Variants in BTBD8 observed in about 807,000 individuals in gnomAD.
The protein encoded by BTBD8 is BTB domain containing 8.
BTBD8 carries 110 observed loss-of-function variants against 162.9 expected under a neutral mutation model. That is an observed-to-expected ratio of 0.68 (90% CI 0.58 to 0.79). The LOEUF is 0.79. BTBD8 is among the 30% of genes least tolerant of loss of function. The pLI is 0.00. For synonymous variants in BTBD8, 667 were observed against 716.1 expected, an observed-to-expected ratio of 0.93 and a Z score of 1.10; for missense variants, 1,905 against 2,085.4, an observed-to-expected ratio of 0.91 and a Z score of 1.68.
chr1:92,102,944 T>G (rs1648629657), intron 3 of BTBD8, among the ~76,000 whole-genome samples: 1 of 152,216 alleles, frequency 6.6e-6, no homozygotes. Flanking sequence ...ATAAAGAAGC[T>G]TTGGCAGAGT....
At chr1:92,149,286 A>G (rs936114933) in intron 9 of BTBD8, among the ~76,000 whole-genome samples, 2 of 152,204 alleles carry the variant, frequency 1.3e-5, no homozygotes. Flanking sequence ...GTATCTACGT[A>G]TTTAAGGTAC....
At chr1:92,141,646 A>G (rs1310879869) in intron 7 of BTBD8, among the ~76,000 whole-genome samples, 1 of 152,188 alleles carries the variant, frequency 6.6e-6, no homozygotes, top group Non-Finnish European at 1.5e-5. Flanking sequence ...CAGTCTCTTC[A>G]GGTGACCTAT....
rs1457496247 is a variant in BTBD8 at position 92,180,821 on chromosome 1, G to A, written c.3138G>A (p.Gln1046=). ...TAAAACACGAACTGGAATCAAAACA[G>A]ATTTGTTTAGATAAAAGTGAAACAA... The part of the protein sequence containing the change: ...KSLKHELESK[Q]ICLDKSETKF... Residue 1046 remains glutamine, a synonymous_variant, in exon 17 of 18, where the codon CAG becomes CAA. Coordinates refer to ENST00000636805, the MANE Select transcript of BTBD8 (RefSeq NM_001376131.1). 6 of 1,551,292 alleles carry A rather than the reference G, an allele frequency of 3.9e-6. No individual in the cohort carries two copies.
intron 5 of BTBD8, among the ~76,000 whole-genome samples, chr1:92,136,449 A>C (rs911375179): frequency 1.3e-5 from 2 of 151,680 alleles, no homozygotes; most frequent in African/African-American, 4.8e-5. Flanking sequence ...TACTATGCTT[A>C]ACAAACTGTA....
intron 2 of BTBD8, among the ~76,000 whole-genome samples, chr1:92,091,400 C>T (rs569643091): frequency 3.9e-5 from 6 of 152,240 alleles, no homozygotes; most frequent in Admixed American, 2.0e-4. Context: ...TTATAAATTA[C>T]GCTGTCTCAG....
intron 9 of BTBD8, among the ~76,000 whole-genome samples, chr1:92,162,005 T>C (rs947685394): frequency 6.6e-6 from 1 of 151,974 alleles, no homozygotes; most frequent in African/African-American, 2.4e-5. Flanking sequence ...TTCTTTCTTT[T>C]GTTTTCTAGT....
In BTBD8 at chr1:92,139,415, A is replaced by G. The variant is rs1300829179; in HGVS notation, c.818A>G (p.Asp273Gly). The G allele has an allele frequency of 6.2e-7, 1 of 1,603,742 alleles. No homozygotes were observed. Among genetic ancestry groups the G allele is most frequent in the African/African-American group, 1.3e-5 (1 of 74,310 alleles). The change falls in exon 6 of 18, where the codon GAC becomes GGC. Residue 273 changes from aspartate (D) to glycine (G), a missense_variant. By Grantham distance (94) the Asp-to-Gly change is moderately conservative. This residue lies in a region of BTBD8 where 1,374 missense variants were observed against 1,442.7 expected (regional missense o/e 0.95). Transcript: ENST00000636805. The stretch of plus-strand genomic sequence containing the variant: ...TATGGAGGAACTCTGGACATTCCAG[A>G]CAAAACTAATGTTGGGTATGTATTC... ...FIYGGTLDIP[D>G]KTNVGQILNM...
At chr1:92,147,950 A>G (rs1035696635) in intron 9 of BTBD8, 164 bp downstream of exon 9, 12 of 603,852 alleles carry the variant, frequency 2.0e-5, no homozygotes, top group Admixed American at 3.3e-5. Flanking sequence ...CTTTGAAACC[A>G]CTCTGCATAC....
chr1:92,143,735 C>T (rs1431725923), intron 7 of BTBD8, among the ~76,000 whole-genome samples: 2 of 151,654 alleles, frequency 1.3e-5, no homozygotes, highest in Non-Finnish European at 2.9e-5. Flanking sequence ...TGGTCTTGAA[C>T]TCCTGACCTC....
rs1486525253 is a variant in BTBD8, at chr1:92,103,532, C to T, written c.544+863C>T. Among the ~76,000 whole-genome samples, 4 of 152,136 alleles carry T rather than the reference C, an allele frequency of 2.6e-5. 1 individual carries two copies. In the South Asian group the frequency reaches 8.3e-4, roughly 32 times the overall value. On this transcript the variant is annotated intron_variant, in intron 3 of 17. Coordinates refer to ENST00000636805, the MANE Select transcript of BTBD8 (RefSeq NM_001376131.1). ...GTGCCAGTTCTCAGCTCCTAAACTC[C>T]GTGAGGCACTGCAGTGAGGGCCTGA...
chr1:92,169,110 T>A, intron 12 of BTBD8, 115 bp downstream of exon 12: 1 of 1,000,074 alleles, frequency 1.0e-6, no homozygotes, highest in Non-Finnish European at 1.4e-6. Context: ...TGTTGGATAA[T>A]AGGATAACTG....
At chr1:92,166,021 C>G (rs1318912301) in intron 9 of BTBD8, among the ~76,000 whole-genome samples, 1 of 152,144 alleles carries the variant, frequency 6.6e-6, no homozygotes, top group African/African-American at 2.4e-5. Context: ...GAATAAGAGA[C>G]AGTAATATAT....
At chr1:92,141,846 A>G (rs943746169) in intron 7 of BTBD8, among the ~76,000 whole-genome samples, 8 of 152,244 alleles carry the variant, frequency 5.3e-5, no homozygotes, top group African/African-American at 1.9e-4. Flanking sequence ...AATTTTCTAC[A>G]AAGAATGTGT....
In BTBD8 at chr1:92,180,658, T is replaced by C. The variant is rs1457001148; in HGVS notation, c.2975T>C (p.Ile992Thr). The change falls in exon 17 of 18, where the codon ATT (isoleucine) becomes ACT (threonine). Residue 992 changes from isoleucine (I) to threonine (T), a missense_variant. Coordinates refer to ENST00000636805, the MANE Select transcript of BTBD8 (RefSeq NM_001376131.1). ...GAACAGAAGCCTCACAAACCTCTCA[T>C]TAATCTTGCATCTGAAATAAGTGAT... ...VSEQKPHKPLINLASEISDAE... is the reference protein window; with the variant it reads ...VSEQKPHKPLTNLASEISDAE... The C allele has an allele frequency of 7.1e-6, 11 of 1,551,274 alleles. No individual in the cohort carries two copies. Among genetic ancestry groups the C allele is most frequent in the African/African-American group, 1.4e-5 (1 of 73,010 alleles).
intron 16 of BTBD8, 62 bp from the exon 17 acceptor site, chr1:92,180,203 A>G: frequency 8.2e-7 from 1 of 1,219,482 alleles, no homozygotes; most frequent in South Asian, 1.8e-5. Flanking sequence ...CAAATTACTA[A>G]ATTTTACTCA....
chr1:92,105,077 C>T (rs1249477681), intron 3 of BTBD8, among the ~76,000 whole-genome samples: 4 of 151,974 alleles, frequency 2.6e-5, no homozygotes, highest in African/African-American at 9.7e-5. Context: ...GAACTACAGG[C>T]ACCTGCCACC....
At chr1:92,099,605 T>C (rs183824691) in intron 2 of BTBD8, among the ~76,000 whole-genome samples, 185 of 152,326 alleles carry the variant, frequency 1.2e-3, no homozygotes, top group Non-Finnish European at 1.1e-3. Flanking sequence ...TATACTTCTT[T>C]TGTTAAATAT....
intron 4 of BTBD8, chr1:92,125,326 CAG>C (rs1649326309): frequency 4.9e-6 from 1 of 202,142 alleles, no homozygotes; most frequent in African/African-American, 2.4e-5. Context: ...ACACTGCTGC[CAG>C]AGAGGAGGAG....
intron 5 of BTBD8, among the ~76,000 whole-genome samples, chr1:92,133,351 G>C (rs1034537004): frequency 1.3e-5 from 2 of 152,172 alleles, no homozygotes; most frequent in Non-Finnish European, 2.9e-5. Context: ...AGTATGTAGT[G>C]CTCATTAATA....
Sources: gnomAD v4.1 joint callset for allele counts (sites outside exome capture counted in the v4.1 genomes callset) on GRCh38, gnomAD v4.1.1 for gene constraint, gnomAD v4.1.1 regional missense constraint, MANE v1.5 for transcripts, NCBI Gene and HGNC (gene_info 2026-07-23, HGNC 2026-07-21) for gene names.